The following MYO1E variants were observed in gnomAD, a reference collection of about 807,000 sequenced individuals.
MYO1E encodes myosin IE.
MYO1E carries 68 observed loss-of-function variants against 151.1 expected under a neutral mutation model. That is an observed-to-expected ratio of 0.45 (90% CI 0.37 to 0.55). MYO1E has a LOEUF of 0.55. Ranked by LOEUF, MYO1E falls within the 20% of genes least tolerant of loss-of-function variation. The probability of loss-of-function intolerance (pLI) is 0.00; values close to 1 mark genes in which losing one functional copy is unlikely to be tolerated. For synonymous variants in MYO1E, 601 were observed against 501.7 expected, an observed-to-expected ratio of 1.20 and a Z score of -2.64; for missense variants, 1,363 against 1,389.3, an observed-to-expected ratio of 0.98 and a Z score of 0.30.
intron 26 of MYO1E, 60 bp downstream of exon 26, chr15:59,153,530 T>C: frequency 6.4e-7 from 1 of 1,564,212 alleles, no homozygotes; most frequent in East Asian, 2.2e-5. Context: ...CTCTGAACCC[T>C]TGTTTTGAAT....
intron 1 of MYO1E, among the ~76,000 whole-genome samples, chr15:59,290,038 G>A (rs552666103): frequency 3.3e-5 from 5 of 152,240 alleles, no homozygotes; most frequent in Admixed American, 1.3e-4. Context: ...CCAATGCTAC[G>A]TTAGGTGCTT....
chr15:59,302,158 T>C (rs1378896039), intron 1 of MYO1E, among the ~76,000 whole-genome samples: 1 of 151,870 alleles, frequency 6.6e-6, no homozygotes, highest in Non-Finnish European at 1.5e-5. Flanking sequence ...GCAGGAAAAG[T>C]TAGAAAAGAG....
chr15:59,309,703 T>C lies in MYO1E; in HGVS notation c.4-37254A>G, dbSNP rs1344020087. Among the ~76,000 whole-genome samples, 4 of 152,356 alleles carry C rather than the reference T, an allele frequency of 2.6e-5. No homozygotes were observed. The East Asian group carries it at 7.7e-4, about 29-fold the overall frequency. ...CAGAAAGGCCAAATGTGTGTCTTTC[T>C]GCCTTTAAAATATCTTTATTCACAT... is the stretch of plus-strand genomic sequence containing the variant. On this transcript the variant is annotated intron_variant, in intron 1 of 27. Transcript: ENST00000288235.
At chr15:59,158,963 T>A (rs1364413706) in intron 24 of MYO1E, among the ~76,000 whole-genome samples, 1 of 152,136 alleles carries the variant, frequency 6.6e-6, no homozygotes, top group Non-Finnish European at 1.5e-5. Flanking sequence ...CAGTCAGGGC[T>A]GGACAGCAGG....
In MYO1E at chr15:59,214,243, T is replaced by C; in HGVS notation, c.1260A>G (p.Thr420=). 6.2e-7 allele frequency: 1 copy of C among 1,612,718 alleles called. No homozygotes were observed. Among genetic ancestry groups the C allele is most frequent in the African/African-American group, 1.3e-5 (1 of 75,030 alleles). ...EKLQQIFIEL[T]LKAEQEEYVQ... is the part of the protein sequence containing the mutation. ...GACTGCTTACCTGTTCTGCCTTTAATGTCAGTTCAATAAAAATCTGCTGCA... is the reference window on the plus strand; with the variant it reads ...GACTGCTTACCTGTTCTGCCTTTAACGTCAGTTCAATAAAAATCTGCTGCA... The change falls in exon 12 of 28, where the codon ACA becomes ACG. Residue 420 remains threonine, a synonymous_variant. Transcript: ENST00000288235.
intron 14 of MYO1E, chr15:59,207,793 G>C: frequency 1.2e-6 from 2 of 1,614,220 alleles, no homozygotes; most frequent in Non-Finnish European, 1.7e-6. Context: ...AGAAGTGACT[G>C]CAACTGCCTA....
intron 1 of MYO1E, among the ~76,000 whole-genome samples, chr15:59,332,221 C>T (rs761713198): frequency 1.2e-4 from 18 of 152,166 alleles, no homozygotes; most frequent in Non-Finnish European, 2.4e-4. Context: ...AAATCACTTG[C>T]TCAAAGTCAC....
chr15:59,198,775 C>T (rs2079783513), intron 16 of MYO1E, among the ~76,000 whole-genome samples: 1 of 151,094 alleles, frequency 6.6e-6, no homozygotes, highest in Admixed American at 6.6e-5. Flanking sequence ...GCCAAGATCG[C>T]ATCACTGCCC....
At position 59,134,504 on chromosome 15, in the gene MYO1E, TGTCTCACAGACGGCCATCAGTAGA is replaced by T. The variant is rs1286945234; in HGVS notation, c.*2852_*2875del. On this transcript the variant is annotated 3_prime_UTR_variant, in exon 28 of 28. Coordinates refer to ENST00000288235, the MANE Select transcript of MYO1E (RefSeq NM_004998.4). Reference sequence around the variant, plus strand: ...CAGGAGTTTCAGATCAGCCTCTCTCTGTCTCACAGACGGCCATCAGTAGAGTGGATACCACCCTTATACAGACCT... The same window carrying T: ...CAGGAGTTTCAGATCAGCCTCTCTCTGTGGATACCACCCTTATACAGACCT... 1 of 152,264 alleles carries T rather than the reference TGTCTCACAGACGGCCATCAGTAGA, an allele frequency of 6.6e-6. No homozygotes were observed. The highest frequency in any genetic ancestry group is 2.4e-5 in the African/African-American group (1 of 41,452). 9.4% of individuals were successfully genotyped at this position (152,264 alleles called of 1,614,324 possible).
intron 19 of MYO1E, among the ~76,000 whole-genome samples, chr15:59,177,069 G>C (rs1487400446): frequency 6.6e-6 from 1 of 152,182 alleles, no homozygotes; most frequent in Non-Finnish European, 1.5e-5. Context: ...AAGTAACAGC[G>C]GGTATGAAAC....
At chr15:59,265,195 G>A (rs543329092) in intron 2 of MYO1E, among the ~76,000 whole-genome samples, 285 of 152,246 alleles carry the variant, frequency 1.9e-3, no homozygotes, top group African/African-American at 6.6e-3. Context: ...CTCCTTCCAT[G>A]GAGGAGGGTA....
At chr15:59,153,071 G>A (rs1025732690) in intron 26 of MYO1E, among the ~76,000 whole-genome samples, 4 of 152,030 alleles carry the variant, frequency 2.6e-5, no homozygotes, top group South Asian at 4.2e-4. Context: ...CACTTCCTCC[G>A]GCTAAAAAGG....
chr15:59,171,173 A>T (rs745414682), intron 22 of MYO1E: 2 of 156,010 alleles, frequency 1.3e-5, no homozygotes, highest in Non-Finnish European at 2.9e-5. Flanking sequence ...AGGACTTAGC[A>T]TGGGAGGACT....
At chr15:59,161,377 G>T in intron 23 of MYO1E, 147 bp from the exon 24 acceptor site, 2 of 935,264 alleles carry the variant, frequency 2.1e-6, no homozygotes, top group Non-Finnish European at 3.1e-6. Flanking sequence ...CCCTGAGGAT[G>T]CGCACCGCAT....
intron 16 of MYO1E, among the ~76,000 whole-genome samples, chr15:59,201,606 G>C (rs1315486867): frequency 1.3e-5 from 2 of 152,032 alleles, no homozygotes; most frequent in African/African-American, 2.4e-5. Context: ...GTTTCTCCAT[G>C]TTGGTCAGGC....
intron 1 of MYO1E, among the ~76,000 whole-genome samples, chr15:59,372,254 G>A (rs2140448619): frequency 6.6e-6 from 1 of 152,252 alleles, no homozygotes; most frequent in Non-Finnish European, 1.5e-5. Flanking sequence ...TAGCAACCCG[G>A]CCACAGAAAG....
intron 1 of MYO1E, among the ~76,000 whole-genome samples, chr15:59,282,028 G>A (rs540687320): frequency 9.1e-4 from 139 of 152,138 alleles, no homozygotes; most frequent in Middle Eastern, 6.8e-3. Flanking sequence ...TGTACATACC[G>A]ATGTTAAGGT....
At chr15:59,208,394 T>C (rs1197852574) in intron 14 of MYO1E, 1 of 563,698 alleles carries the variant, frequency 1.8e-6, no homozygotes, top group Non-Finnish European at 3.2e-6. Flanking sequence ...AAATTCCGAC[T>C]CTTTTCATTA....
chr15:59,305,627 C>A (rs2080510324), intron 1 of MYO1E, among the ~76,000 whole-genome samples: 1 of 152,208 alleles, frequency 6.6e-6, no homozygotes, highest in African/African-American at 2.4e-5. Flanking sequence ...CTTGTCTCTT[C>A]CTCTATTCAG....
Sources: allele counts gnomAD v4.1 joint callset (sites outside exome capture counted in the v4.1 genomes callset), GRCh38; gene constraint gnomAD v4.1.1; transcripts MANE v1.5; gene names NCBI Gene and HGNC (gene_info 2026-07-23, HGNC 2026-07-21).